LAT2: variants seen among roughly 807,000 people sequenced by gnomAD.
The protein encoded by LAT2 is linker for activation of T cells family member 2, also known as linker for activation of T-cells family member 2.
Under a neutral mutation model 43.4 loss-of-function variants are expected in LAT2, and 23 were observed. The observed-to-expected ratio is 0.53, with a 90% CI of 0.38 to 0.75. The LOEUF is 0.75. Ranked by LOEUF, LAT2 falls within the 30% of genes least tolerant of loss-of-function variation. LAT2 has a pLI of 0.00. For synonymous variants in LAT2, 128 were observed against 123.2 expected, an observed-to-expected ratio of 1.04 and a Z score of -0.26; for missense variants, 284 against 310.2, an observed-to-expected ratio of 0.92 and a Z score of 0.64.
In LAT2 at chr7:74,216,016, T is replaced by C; in HGVS notation, c.41T>C (p.Leu14Pro). 1 of 1,613,780 alleles carries C rather than the reference T, an allele frequency of 6.2e-7. No homozygotes were observed. Among genetic ancestry groups the C allele is most frequent in the South Asian group, 1.1e-5 (1 of 91,066 alleles). Residue 14 changes from leucine to proline, a missense_variant, in exon 3 of 14, where the codon CTG becomes CCG. Leu to Pro is a moderately conservative substitution (Grantham distance 98, BLOSUM62 -3). Transcript: ENST00000460943. ...GAACTGCTGTGGCCCGGAGCAGCGCTGCTGGTGCTGTTGGGGGTGGCAGCC... is the reference window on the plus strand; with the variant it reads ...GAACTGCTGTGGCCCGGAGCAGCGCCGCTGGTGCTGTTGGGGGTGGCAGCC... ...GTELLWPGAA[L>P]LVLLGVAASL...
At chr7:74,221,860 AG>A (rs1391838562) in intron 10 of LAT2, among the ~76,000 whole-genome samples, 168 bp downstream of exon 10, 2 of 42,448 alleles carry the variant, frequency 4.7e-5, no homozygotes, top group Admixed American at 5.7e-4. Context: ...AAGAAGGGAT[AG>A]GGGGCGGGCG....
rs2116152194 is a variant in LAT2 at position 74,220,145 on chromosome 7, TG to T, written c.228-66del. On this transcript the variant is annotated intron_variant, in intron 6 of 13. Coordinates refer to ENST00000460943, the MANE Select transcript of LAT2 (RefSeq NM_032464.3). This position sits in a 1 kb window ranked among gnomAD's most constrained non-coding sequence, Gnocchi z 4.5. ...AGCTATGAAGGCCCCACAAGGGGTATGGGGGGATGTGTCCTGGGGGGCCTCT... is the reference window on the plus strand; with the variant it reads ...AGCTATGAAGGCCCCACAAGGGGTATGGGGGATGTGTCCTGGGGGGCCTCT... The T allele has an allele frequency of 1.3e-6, 2 of 1,562,954 alleles. No individual in the cohort carries two copies. Among genetic ancestry groups the T allele is most frequent in the Non-Finnish European group, 1.7e-6 (2 of 1,145,776 alleles).
At chr7:74,212,139 C>T (rs1390306567) in intron 1 of LAT2, among the ~76,000 whole-genome samples, 1 of 151,894 alleles carries the variant, frequency 6.6e-6, no homozygotes, top group Non-Finnish European at 1.5e-5. Flanking sequence ...GAGACAGGGC[C>T]TTGTTACATC....
chr7:74,213,941 G>A (rs1416486949), intron 1 of LAT2, among the ~76,000 whole-genome samples: 1 of 149,630 alleles, frequency 6.7e-6, no homozygotes, highest in East Asian at 2.0e-4. Flanking sequence ...TCTCCAGGGG[G>A]CCAGGTCTCC....
intron 13 of LAT2, chr7:74,225,665 A>T (rs1302197342): frequency 6.6e-6 from 1 of 152,398 alleles, no homozygotes; most frequent in Non-Finnish European, 1.5e-5. Flanking sequence ...GTGGTCAGAC[A>T]TCAGACATCA....
rs1554715864 is a variant in LAT2, at chr7:74,224,773, C to T, written c.*18+13C>T. On this transcript the variant is annotated intron_variant, in intron 13 of 13. Transcript: ENST00000460943. ...ACCAAGAAGAAAGGTACAGCCCCTG[C>T]TCTCCAGCTGCCGTGGGCCAAGGAT... The T allele has an allele frequency of 2.0e-6, 3 of 1,505,130 alleles. No individual in the cohort carries two copies. Among genetic ancestry groups the T allele is most frequent in the East Asian group, 2.4e-5 (1 of 41,640 alleles). 93.2% of individuals were successfully genotyped at this position (1,505,130 alleles called of 1,614,324 possible).
intron 10 of LAT2, among the ~76,000 whole-genome samples, chr7:74,222,230 CAAAAAAAAAA>C (rs113312443): frequency 1.5e-5 from 1 of 65,594 alleles, no homozygotes; most frequent in Admixed American, 1.8e-4. Flanking sequence ...TACAAAAATA[CAAAAAAAAAA>C]AAAAAAAAAA....
At position 74,220,148 on chromosome 7, in the gene LAT2, G is replaced by A; in HGVS notation, c.228-69G>A. On this transcript the variant is annotated intron_variant, in intron 6 of 13. Transcript: ENST00000460943. The surrounding 1 kb of genome is among the most constrained non-coding windows in gnomAD (Gnocchi z 4.5). The stretch of plus-strand genomic sequence containing the variant: ...TATGAAGGCCCCACAAGGGGTATGG[G>A]GGGATGTGTCCTGGGGGGCCTCTCC... The A allele has an allele frequency of 1.3e-6, 2 of 1,568,248 alleles. No individual in the cohort carries two copies. Among genetic ancestry groups the A allele is most frequent in the Non-Finnish European group, 1.7e-6 (2 of 1,150,242 alleles).
intron 2 of LAT2, 39 bp from the exon 3 acceptor site, chr7:74,215,907 GA>G: frequency 6.9e-7 from 1 of 1,458,082 alleles, no homozygotes. Flanking sequence ...TAGGATTCCT[GA>G]AAAAGGGGCC....
intron 10 of LAT2, among the ~76,000 whole-genome samples, chr7:74,222,512 T>C (rs1554715469): frequency 6.6e-6 from 1 of 151,906 alleles, no homozygotes; most frequent in Non-Finnish European, 1.5e-5. Context: ...ACCTGGCTCC[T>C]GCCTGGACCA....
chr7:74,211,379 C>T (rs782151312), intron 1 of LAT2, among the ~76,000 whole-genome samples: 1 of 152,210 alleles, frequency 6.6e-6, no homozygotes, highest in Non-Finnish European at 1.5e-5. Context: ...CAGGTTCAAG[C>T]AGTTCTCCTG....
chr7:74,225,302 G>A (rs1563977367), intron 13 of LAT2: 1 of 153,744 alleles, frequency 6.5e-6, no homozygotes, highest in Non-Finnish European at 1.4e-5. Context: ...GCTGAGGCAG[G>A]AGAATCATTT....
At chr7:74,212,722 C>A (rs2116076283) in intron 1 of LAT2, among the ~76,000 whole-genome samples, 1 of 152,290 alleles carries the variant, frequency 6.6e-6, no homozygotes, top group East Asian at 1.9e-4. Flanking sequence ...TGGGGGTACA[C>A]CCCGGGTTGG....
chr7:74,222,922 G>A (rs1231308645), intron 10 of LAT2, among the ~76,000 whole-genome samples: 1 of 152,198 alleles, frequency 6.6e-6, no homozygotes, highest in African/African-American at 2.4e-5. Context: ...TGGATTTTGG[G>A]TGGGGCATCA....
intron 4 of LAT2, among the ~76,000 whole-genome samples, chr7:74,219,161 C>T (rs1370743726): frequency 2.0e-5 from 3 of 151,480 alleles, no homozygotes; most frequent in African/African-American, 4.8e-5. Context: ...CTCAGCCTCC[C>T]GAGTAGCTGG....
rs925016307 is a variant in LAT2, at chr7:74,224,032, G to A, written c.463G>A (p.Gly155Ser). The part of the protein sequence containing the change: ...KTTETGAQQE[G>S]IGGLCRGDLS... ...CCTCTCTGCAGGTGCCCAGCAGGAG[G>A]GCATAGGTGGCCTCTGCAGAGGGGA... The change falls in exon 12 of 14, where the codon GGC (glycine) becomes AGC (serine). Residue 155 changes from glycine to serine, a missense_variant. Gly to Ser is a moderately conservative substitution (Grantham distance 56). Transcript: ENST00000460943. The A allele has an allele frequency of 7.4e-6, 12 of 1,613,956 alleles. No individual in the cohort carries two copies. The highest frequency in any genetic ancestry group is 1.0e-5 in the Non-Finnish European group (12 of 1,179,974).
In LAT2 at chr7:74,224,107, C is replaced by A; in HGVS notation, c.538C>A (p.Pro180Thr). 1 of 1,614,156 alleles carries A rather than the reference C, an allele frequency of 6.2e-7. No individual in the cohort carries two copies. Residue 180 changes from proline to threonine, a missense_variant, in exon 12 of 14, where the codon CCC (proline) becomes ACC (threonine). Physicochemically the swap from Pro to Thr is conservative, Grantham distance 38. Coordinates refer to ENST00000460943, the MANE Select transcript of LAT2 (RefSeq NM_032464.3). ...LKTGPTSGLC[P>T]SASPEEDEES... ...GACTGGCCCCACTTCTGGTCTCTGT[C>A]CCTCTGCCTCCCCGGAAGAAGATGA...
At chr7:74,214,243 T>A (rs1466501406) in intron 1 of LAT2, among the ~76,000 whole-genome samples, 7 of 78,622 alleles carry the variant, frequency 8.9e-5, no homozygotes, top group Admixed American at 6.1e-4. Context: ...TATATGAAAA[T>A]ATATATATAA....
chr7:74,219,030 T>C (rs1802152794), intron 4 of LAT2, among the ~76,000 whole-genome samples: 1 of 104,036 alleles, frequency 9.6e-6, no homozygotes, highest in Non-Finnish European at 1.9e-5. Flanking sequence ...TTTTTTTTTT[T>C]TTTTTTTTTT....
Sources: allele counts gnomAD v4.1 joint callset (sites outside exome capture counted in the v4.1 genomes callset), GRCh38; gene constraint gnomAD v4.1.1; non-coding constraint Gnocchi (gnomAD v3.1); transcripts MANE v1.5; gene names NCBI Gene and HGNC (gene_info 2026-07-23, HGNC 2026-07-21).